Variants in TPCN1 observed in about 807,000 individuals in gnomAD.
TPCN1 encodes the protein two pore segment channel 1.
Under a neutral mutation model 108.8 loss-of-function variants are expected in TPCN1, and 52 were observed. That is an observed-to-expected ratio of 0.48 (90% CI 0.38 to 0.60). TPCN1 has a LOEUF of 0.60. Ranked by LOEUF, TPCN1 falls within the 20% of genes least tolerant of loss-of-function variation. The pLI is 0.00. For synonymous variants in TPCN1, 446 were observed against 433.7 expected (o/e 1.03, Z -0.35); for missense variants, 806 against 1,072.8 (o/e 0.75, Z 3.47).
rs371985320 is a variant in TPCN1, at chr12:113,297,640, GTGTT to G, written c.*1570_*1573del. The G allele has an allele frequency of 6.5e-5, 10 of 152,760 alleles. No individual in the cohort carries two copies. In the East Asian group the frequency reaches 1.9e-3, roughly 30 times the overall value. 9.5% of individuals were successfully genotyped at this position (152,760 alleles called of 1,614,324 possible). A position where few individuals can be genotyped will look rare whatever the true frequency, so the allele number is the denominator to read the frequency against. On this transcript the variant is annotated 3_prime_UTR_variant, in exon 28 of 28. Coordinates refer to ENST00000335509, the MANE Select transcript of TPCN1 (RefSeq NM_017901.6). The surrounding 1 kb of genome is among the most constrained non-coding windows in gnomAD (Gnocchi z 4.4). Reference sequence around the variant, plus strand: ...GTCAGGGGAGTTGGACAAGTAGCAGGTGTTTGTTTTTAAAGCACAGCCCTTTGGG... The same window carrying G: ...GTCAGGGGAGTTGGACAAGTAGCAGGTGTTTTTAAAGCACAGCCCTTTGGG...
chr12:113,248,606 G>A (rs778671372), intron 2 of TPCN1, among the ~76,000 whole-genome samples: 4 of 152,194 alleles, frequency 2.6e-5, no homozygotes, highest in South Asian at 4.1e-4. Context: ...GCCCCAAGGC[G>A]GAGTGTTCCA....
At position 113,272,772 on chromosome 12, in the gene TPCN1, G is replaced by A; in HGVS notation, c.783+80G>A. ...GACAGGGTCACCGGCGTGACCCTGT[G>A]GCCATATGGGGAAGGGGGGGCCTGC... On this transcript the variant is annotated intron_variant, in intron 8 of 27. Transcript: ENST00000335509. The surrounding 1 kb of genome is among the most constrained non-coding windows in gnomAD (Gnocchi z 4.1). 1.4e-6 allele frequency: 2 copies of A among 1,397,880 alleles called. No homozygotes were observed. The allele number at this position is 1,397,880 out of a possible 1,614,324, so 86.6% of individuals were successfully genotyped here.
In TPCN1 at chr12:113,260,431, C is replaced by A. The variant is rs367898943; in HGVS notation, c.176C>A (p.Ser59Tyr). 1.3e-6 allele frequency: 2 copies of A among 1,554,136 alleles called. No individual in the cohort carries two copies. Among genetic ancestry groups the A allele is most frequent in the African/African-American group, 2.8e-5 (2 of 70,492 alleles). ...APSLSSGGES[S>Y]PSSPAHNWEM... ...AGTCTCAGCTCTGGGGGTGAGAGTT[C>A]CCCCTCCAGCCCCGCACACAACTGG... The change falls in exon 3 of 28, where the codon TCC becomes TAC. Residue 59 changes from serine to tyrosine, a missense_variant. Ser to Tyr is a moderately radical substitution (Grantham distance 144). Transcript: ENST00000335509.
chr12:113,286,947 C>T (rs754968277), intron 18 of TPCN1, 40 bp from the exon 19 acceptor site: 5 of 1,503,564 alleles, frequency 3.3e-6, no homozygotes, highest in Admixed American at 1.7e-5. Context: ...CAGGTAGGCT[C>T]AGGGCCACAG....
Position 113,246,050 on chromosome 12 carries a change from G to T in TPCN1, c.113-14318G>T, listed in dbSNP as rs78796529. 890 of 456,130 alleles carry T rather than the reference G, an allele frequency of 2.0e-3. 9 individuals are homozygous for T. Among genetic ancestry groups the T allele is most frequent in the African/African-American group, 0.015 (764 of 50,198 alleles). The allele number at this position is 456,130 out of a possible 1,614,324, so 28.3% of individuals were successfully genotyped here. Reference sequence around the variant, plus strand: ...GACATCAGCATGTGGGAGTGTTACCGTGTGTGCAAACAGGTCATTCTGGTT... The same window carrying T: ...GACATCAGCATGTGGGAGTGTTACCTTGTGTGCAAACAGGTCATTCTGGTT... On this transcript the variant is annotated intron_variant, in intron 2 of 27. Transcript: ENST00000335509.
Position 113,288,867 on chromosome 12 carries a change from C to G in TPCN1, c.1796+20C>G, listed in dbSNP as rs1235642742. The G allele has an allele frequency of 1.2e-6, 2 of 1,611,382 alleles. No homozygotes were observed. The highest frequency in any genetic ancestry group is 1.1e-5 in the South Asian group (1 of 91,046). On this transcript the variant is annotated intron_variant, in intron 21 of 27. Transcript: ENST00000335509. This position sits in a 1 kb window ranked among gnomAD's most constrained non-coding sequence, Gnocchi z 4.8. ...CTGCAAGTGAGTAGGCCCCACCCAG[C>G]CCCAGGCAGCCTGCATTTCCCGGGC...
At chr12:113,291,119 T>A in intron 23 of TPCN1, 121 bp downstream of exon 23, 1 of 1,001,020 alleles carries the variant, frequency 1.0e-6, no homozygotes, top group Non-Finnish European at 1.5e-6. Context: ...TCTTGAGTCA[T>A]GCTGTGTTGG....
chr12:113,229,655 A>C (rs1447825039), intron 2 of TPCN1, among the ~76,000 whole-genome samples: 1 of 151,960 alleles, frequency 6.6e-6, no homozygotes, highest in Non-Finnish European at 1.5e-5. Context: ...CACCCAGCTA[A>C]TTTTTTTGTA....
intron 2 of TPCN1, among the ~76,000 whole-genome samples, chr12:113,237,253 T>C (rs1402614659): frequency 1.3e-5 from 2 of 152,140 alleles, no homozygotes; most frequent in Non-Finnish European, 2.9e-5. Context: ...TATTCTGCAG[T>C]AGTAGGAGCC....
chr12:113,258,766 G>A (rs1419641101), intron 2 of TPCN1, among the ~76,000 whole-genome samples: 1 of 152,150 alleles, frequency 6.6e-6, no homozygotes, highest in Non-Finnish European at 1.5e-5. Flanking sequence ...GGGTGACAGA[G>A]TGAGATCTTG....
At chr12:113,235,596 G>A (rs1206203731) in intron 2 of TPCN1, among the ~76,000 whole-genome samples, 3 of 151,870 alleles carry the variant, frequency 2.0e-5, no homozygotes, top group Admixed American at 6.6e-5. Context: ...AAACTAAGTC[G>A]AGTTACTAAA....
chr12:113,223,529 G>A (rs990092936), intron 1 of TPCN1, among the ~76,000 whole-genome samples: 3 of 149,290 alleles, frequency 2.0e-5, no homozygotes, highest in African/African-American at 7.5e-5. Flanking sequence ...TACTTATTTA[G>A]TTATTTTTAA....
intron 3 of TPCN1, among the ~76,000 whole-genome samples, chr12:113,265,403 C>T (rs1955217822): frequency 6.6e-6 from 1 of 152,100 alleles, no homozygotes; most frequent in African/African-American, 2.4e-5. Context: ...AGTAGAAAGC[C>T]AGGGTTCAGC....
chr12:113,269,635 C>T lies in TPCN1; in HGVS notation c.660-122C>T. On this transcript the variant is annotated intron_variant, in intron 6 of 27. Transcript: ENST00000335509. This position sits in a 1 kb window ranked among gnomAD's most constrained non-coding sequence, Gnocchi z 5.0. ...GGAAAAAATGAAGCATGATGTCACA[C>T]CAGAGTGCGTCAGGGTTTAGTATTT... is the stretch of plus-strand genomic sequence containing the variant. 1.2e-6 allele frequency: 1 copy of T among 821,824 alleles called. No homozygotes were observed. Among genetic ancestry groups the T allele is most frequent in the Non-Finnish European group, 2.0e-6 (1 of 510,032 alleles). The allele number at this position is 821,824 out of a possible 1,614,324, so 50.9% of individuals were successfully genotyped here.
intron 3 of TPCN1, among the ~76,000 whole-genome samples, chr12:113,262,286 T>G (rs924711469): frequency 6.6e-6 from 1 of 151,936 alleles, no homozygotes; most frequent in African/African-American, 2.4e-5. Flanking sequence ...ATGTGTACCC[T>G]CTAGTTCTAG....
chr12:113,227,254 G>A (rs1953505675), intron 2 of TPCN1, among the ~76,000 whole-genome samples: 1 of 152,122 alleles, frequency 6.6e-6, no homozygotes. Flanking sequence ...TGGATGCTTG[G>A]TGGGGACCTC....
intron 3 of TPCN1, 127 bp downstream of exon 3, chr12:113,260,619 A>T: frequency 8.0e-7 from 1 of 1,247,430 alleles, no homozygotes; most frequent in Non-Finnish European, 1.1e-6. Context: ...CTCGTGTGTG[A>T]GCTTCAGGTT....
chr12:113,291,458 C>G, intron 23 of TPCN1, 151 bp from the exon 24 acceptor site: 1 of 688,580 alleles, frequency 1.5e-6, no homozygotes, highest in Non-Finnish European at 2.5e-6. Flanking sequence ...GTGTTAGGCC[C>G]AGAGGGGCAA....
At chr12:113,285,064 TC>T (rs1459034153) in intron 17 of TPCN1, among the ~76,000 whole-genome samples, 1 of 152,198 alleles carries the variant, frequency 6.6e-6, no homozygotes, top group African/African-American at 2.4e-5. Context: ...CAGCCTCTGC[TC>T]CCTGCTGCTC....
Sources: gnomAD v4.1 joint callset for allele counts (sites outside exome capture counted in the v4.1 genomes callset) on GRCh38, gnomAD v4.1.1 for gene constraint, Gnocchi (gnomAD v3.1) non-coding constraint, MANE v1.5 for transcripts, NCBI Gene and HGNC (gene_info 2026-07-23, HGNC 2026-07-21) for gene names.